Variants in TBC1D15 observed in about 807,000 individuals in gnomAD.
TBC1D15 encodes TBC1 domain family member 15.
In TBC1D15, 39 loss-of-function variants were observed where a neutral mutation model predicts 95.4. The ratio of observed to expected loss-of-function variants is 0.41; its 90% confidence interval spans 0.32 to 0.53. The LOEUF (loss-of-function observed/expected upper bound fraction) is 0.53, where lower values mean the gene tolerates loss of function less well. Among genes scored for constraint, TBC1D15 ranks in the 20% least tolerant of loss-of-function variants. The pLI is 0.29. For synonymous variants in TBC1D15, 258 were observed against 261.3 expected (o/e 0.99, Z 0.12); for missense variants, 733 against 794.3 (o/e 0.92, Z 0.93).
At chr12:71,899,862 G>T (rs1898958316) in intron 10 of TBC1D15, among the ~76,000 whole-genome samples, 1 of 152,108 alleles carries the variant, frequency 6.6e-6, no homozygotes, top group African/African-American at 2.4e-5. Context: ...GGGAGGCTGA[G>T]GTGGGAGGAT....
Position 71,910,343 on chromosome 12 carries a change from A to C in TBC1D15, c.1300+3205A>C, listed in dbSNP as rs994759570. Among the ~76,000 whole-genome samples the C allele has an allele frequency of 6.7e-5, 10 of 148,696 alleles. 1 individual carries two copies. The highest frequency in any genetic ancestry group is 1.8e-4 in the African/African-American group (7 of 39,214). Reference sequence around the variant, plus strand: ...TGGCTTAGGATTGACTTGGCAATGCAGGCTCTTTTTTGGTTCCATATGAAC... The same window carrying C: ...TGGCTTAGGATTGACTTGGCAATGCCGGCTCTTTTTTGGTTCCATATGAAC... On this transcript the variant is annotated intron_variant, in intron 11 of 16. Transcript: ENST00000485960.
intron 10 of TBC1D15, among the ~76,000 whole-genome samples, chr12:71,898,876 T>C (rs1898751178): frequency 6.6e-6 from 1 of 152,194 alleles, no homozygotes; most frequent in Admixed American, 6.5e-5. Context: ...GCAGTGATAC[T>C]TTTGATCCAA....
At chr12:71,895,489 A>G (rs1280567104) in intron 7 of TBC1D15, among the ~76,000 whole-genome samples, 1 of 152,106 alleles carries the variant, frequency 6.6e-6, no homozygotes, top group Non-Finnish European at 1.5e-5. Context: ...ATGCCGAGTG[A>G]AGCTAGTGGG....
At chr12:71,900,851 A>G (rs1161507149) in intron 10 of TBC1D15, among the ~76,000 whole-genome samples, 1 of 152,090 alleles carries the variant, frequency 6.6e-6, no homozygotes, top group Non-Finnish European at 1.5e-5. Context: ...TAGGAAAGTG[A>G]TATTTGAATA....
At chr12:71,912,616 A>C (rs1902666692) in intron 11 of TBC1D15, among the ~76,000 whole-genome samples, 1 of 152,160 alleles carries the variant, frequency 6.6e-6, no homozygotes, top group Non-Finnish European at 1.5e-5. Flanking sequence ...CCTCCAAAAC[A>C]GAGTAATGTG....
intron 1 of TBC1D15, among the ~76,000 whole-genome samples, chr12:71,852,174 G>T (rs1393534913): frequency 6.6e-6 from 1 of 152,088 alleles, no homozygotes; most frequent in Non-Finnish European, 1.5e-5. Context: ...GCACCTTGTG[G>T]GCCTCAAAAG....
chr12:71,897,789 CAG>C, intron 9 of TBC1D15, 56 bp from the exon 10 acceptor site: 2 of 1,273,150 alleles, frequency 1.6e-6, no homozygotes, highest in East Asian at 2.3e-5. Flanking sequence ...CCCAATTAAA[CAG>C]TGTTAAAAAT....
At position 71,880,532 on chromosome 12, in the gene TBC1D15, C is replaced by T; in HGVS notation, c.268C>T (p.His90Tyr). Reference protein sequence around the residue: ...PKERGHRGSEHLNSYEAEWDM... With the variant: ...PKERGHRGSEYLNSYEAEWDM... ...AGAAAGAGGTCATCGAGGATCAGAACATCTGAACAGTTACGAAGCAGAATG... is the reference window on the plus strand; with the variant it reads ...AGAAAGAGGTCATCGAGGATCAGAATATCTGAACAGTTACGAAGCAGAATG... Residue 90 changes from histidine (H) to tyrosine (Y), a missense_variant, in exon 4 of 17, where the codon CAT (histidine) becomes TAT (tyrosine). Transcript: ENST00000485960. The T allele has an allele frequency of 6.2e-7, 1 of 1,613,380 alleles. No individual in the cohort carries two copies.
At chr12:71,840,197 C>T (rs541700373) in intron 1 of TBC1D15, among the ~76,000 whole-genome samples, 1 of 152,292 alleles carries the variant, frequency 6.6e-6, no homozygotes, top group African/African-American at 2.4e-5. Context: ...AAGCGTTAAC[C>T]CGACTTGCCT....
At chr12:71,914,112 T>C (rs1041735398) in intron 12 of TBC1D15, among the ~76,000 whole-genome samples, 186 bp downstream of exon 12, 1 of 152,024 alleles carries the variant, frequency 6.6e-6, no homozygotes, top group Non-Finnish European at 1.5e-5. Flanking sequence ...GTATTTTTAA[T>C]ACAGGAAATA....
At chr12:71,858,969 AT>A (rs35114715) in intron 1 of TBC1D15, among the ~76,000 whole-genome samples, 3,374 of 137,132 alleles carry the variant, frequency 0.025, 91 homozygotes, top group Admixed American at 0.077. Flanking sequence ...CCTCACCAGC[AT>A]TTTTTTTTTT....
At chr12:71,849,397 T>G in intron 1 of TBC1D15, 4 of 1,382,474 alleles carry the variant, frequency 2.9e-6, no homozygotes, top group Non-Finnish European at 4.1e-6. Context: ...GCTGAGCCAC[T>G]TCCCATGAAC....
At chr12:71,858,385 T>C (rs558462815) in intron 1 of TBC1D15, among the ~76,000 whole-genome samples, 2 of 152,188 alleles carry the variant, frequency 1.3e-5, no homozygotes, top group South Asian at 4.1e-4. Context: ...ACATTTTCTT[T>C]ATCCAGTCAT....
intron 16 of TBC1D15, among the ~76,000 whole-genome samples, chr12:71,922,056 A>G (rs566669845): frequency 8.5e-5 from 13 of 152,156 alleles, no homozygotes; most frequent in Non-Finnish European, 1.6e-4. Context: ...TGGGATTACC[A>G]GTGCATGCAC....
intron 1 of TBC1D15, among the ~76,000 whole-genome samples, chr12:71,841,426 A>G (rs148060563): frequency 6.6e-6 from 1 of 152,314 alleles, no homozygotes; most frequent in Non-Finnish European, 1.5e-5. Flanking sequence ...CACTCCACTG[A>G]AACTAGTTTT....
At chr12:71,856,038 G>A (rs1888989506) in intron 1 of TBC1D15, among the ~76,000 whole-genome samples, 1 of 151,854 alleles carries the variant, frequency 6.6e-6, no homozygotes, top group Non-Finnish European at 1.5e-5. Flanking sequence ...AGAAATTATG[G>A]TTCACCCTGC....
intron 1 of TBC1D15, 95 bp from the exon 2 acceptor site, chr12:71,871,975 G>A: frequency 2.1e-6 from 1 of 483,974 alleles, no homozygotes; most frequent in Non-Finnish European, 3.5e-6. Context: ...CAGAAACTTG[G>A]CCAAGTATGA....
At chr12:71,862,679 C>T (rs530149334) in intron 1 of TBC1D15, among the ~76,000 whole-genome samples, 4 of 152,110 alleles carry the variant, frequency 2.6e-5, no homozygotes, top group South Asian at 2.1e-4. Flanking sequence ...CCTCTCATTT[C>T]GTTAATTGTT....
intron 3 of TBC1D15, among the ~76,000 whole-genome samples, chr12:71,879,300 CTT>C (rs895656720): frequency 2.0e-5 from 3 of 151,836 alleles, no homozygotes; most frequent in African/African-American, 7.3e-5. Flanking sequence ...GTCTGGCTAA[CTT>C]TTTTGTATTT....
Sources: gnomAD v4.1 joint callset for allele counts (sites outside exome capture counted in the v4.1 genomes callset) on GRCh38, gnomAD v4.1.1 for gene constraint, MANE v1.5 for transcripts, NCBI Gene and HGNC (gene_info 2026-07-23, HGNC 2026-07-21) for gene names.